B4GALT6: variants seen among roughly 807,000 people sequenced by gnomAD.
B4GALT6 encodes the protein beta-1,4-galactosyltransferase 6.
In B4GALT6, 14 loss-of-function variants were observed where a neutral mutation model predicts 46.3. The observed-to-expected ratio is 0.30, with a 90% confidence interval of 0.20 to 0.47. The LOEUF (loss-of-function observed/expected upper bound fraction) is 0.47. B4GALT6 is among the 20% of genes least tolerant of loss of function. The probability of loss-of-function intolerance (pLI) is 0.99; values close to 1 mark genes in which losing one functional copy is unlikely to be tolerated. For missense variants in B4GALT6, 386 were observed against 480.1 expected, an observed-to-expected ratio of 0.80 and a Z score of 1.83; for synonymous variants, 168 against 162.0, an observed-to-expected ratio of 1.04 and a Z score of -0.28.
At position 31,629,447 on chromosome 18, in the gene B4GALT6, A is replaced by ATTTTTTTT. The variant is rs869030382; in HGVS notation, c.776+1504_776+1511dup. ...ATTCTTAGTTTATATGCCCTTTATG[A>ATTTTTTTT]TTTTTTTTTTTTTTTTTTTTTTTTT... On this transcript the variant is annotated intron_variant, in intron 6 of 8. Transcript: ENST00000306851. Among the ~76,000 whole-genome samples, 46 of 32,888 alleles carry ATTTTTTTT rather than the reference A, an allele frequency of 1.4e-3. 11 individuals are homozygous for ATTTTTTTT. Among genetic ancestry groups the ATTTTTTTT allele is most frequent in the Middle Eastern group, 0.023 (1 of 44 alleles). The allele number at this position is 32,888 out of a possible 152,430, so 21.6% of individuals were successfully genotyped here.
At chr18:31,709,718 C>T in the B4GALT6 span, among the ~76,000 whole-genome samples, 1 of 151,630 alleles carries the variant, frequency 6.6e-6, no homozygotes, top group South Asian at 2.1e-4. Flanking sequence ...AAGATACCGA[C>T]AATTTAAAAC....
At chr18:31,705,835 G>A in the B4GALT6 span, among the ~76,000 whole-genome samples, 3 of 152,206 alleles carry the variant, frequency 2.0e-5, no homozygotes, top group Non-Finnish European at 2.9e-5. Flanking sequence ...AACCTCAAAT[G>A]TTATGGTTTT....
intron 1 of B4GALT6, among the ~76,000 whole-genome samples, chr18:31,675,173 G>A (rs919671140): frequency 1.3e-5 from 2 of 152,148 alleles, no homozygotes; most frequent in African/African-American, 4.8e-5. Context: ...TTTCCACTCT[G>A]CAGTTTAACA....
the B4GALT6 span, chr18:31,724,486 T>C: frequency 3.0e-6 from 3 of 1,015,362 alleles, no homozygotes; most frequent in South Asian, 3.7e-5. Context: ...CGGGAGAGCT[T>C]TGATTACCTG....
intron 4 of B4GALT6, among the ~76,000 whole-genome samples, chr18:31,638,983 A>C: frequency 6.6e-6 from 1 of 152,198 alleles, no homozygotes; most frequent in East Asian, 1.9e-4. Flanking sequence ...GCGTTTTCTA[A>C]AGATTGTGGC....
intron 1 of B4GALT6, among the ~76,000 whole-genome samples, chr18:31,675,409 T>C (rs1014281755): frequency 6.6e-6 from 1 of 152,208 alleles, no homozygotes; most frequent in Non-Finnish European, 1.5e-5. Context: ...GCACAAACTG[T>C]CTAAAACATC....
At chr18:31,674,299 G>A (rs557457770) in intron 1 of B4GALT6, among the ~76,000 whole-genome samples, 85 of 152,292 alleles carry the variant, frequency 5.6e-4, no homozygotes, top group Non-Finnish European at 9.3e-4. Context: ...GGATTTGGAA[G>A]AAATGTTGGT....
chr18:31,708,586 T>A, the B4GALT6 span, among the ~76,000 whole-genome samples: 824 of 151,816 alleles, frequency 5.4e-3, 6 homozygotes, highest in South Asian at 0.017. Context: ...AAATAAAAAT[T>A]AAAATTAAAA....
At position 31,666,344 on chromosome 18, in the gene B4GALT6, A is replaced by G; in HGVS notation, c.144T>C (p.Ala48=). 1 of 1,606,388 alleles carries G rather than the reference A, an allele frequency of 6.2e-7. No homozygotes were observed. The highest frequency in any genetic ancestry group is 8.5e-7 in the Non-Finnish European group (1 of 1,175,062). ...CATTTTCTCTCAACATTATACCTCG[A>G]GCTTGTACCATAAAGAGATATGTGT... ...IANTYLFMVQ[A]RGIMLRENVK... Residue 48 remains alanine (A), a synonymous_variant, in exon 2 of 9, where the codon GCT becomes GCC. Coordinates refer to ENST00000306851, the MANE Select transcript of B4GALT6 (RefSeq NM_004775.5).
the B4GALT6 span, among the ~76,000 whole-genome samples, chr18:31,701,491 C>A: frequency 6.6e-6 from 1 of 151,644 alleles, no homozygotes; most frequent in Admixed American, 6.6e-5. Flanking sequence ...TAAGAACAGG[C>A]TAATACATAT....
At chr18:31,716,446 C>T in the B4GALT6 span, among the ~76,000 whole-genome samples, 24 of 152,348 alleles carry the variant, frequency 1.6e-4, no homozygotes, top group Admixed American at 5.9e-4. Flanking sequence ...TAATTTACCT[C>T]CACCACCTAG....
At chr18:31,652,059 G>C (rs187606383) in intron 3 of B4GALT6, among the ~76,000 whole-genome samples, 100 of 152,042 alleles carry the variant, frequency 6.6e-4, no homozygotes, top group African/African-American at 1.9e-3. Flanking sequence ...CGTGAGCCAC[G>C]GCGCCCGGCC....
At chr18:31,679,386 T>C (rs950040375) in intron 1 of B4GALT6, among the ~76,000 whole-genome samples, 12 of 152,228 alleles carry the variant, frequency 7.9e-5, no homozygotes, top group Non-Finnish European at 1.3e-4. Flanking sequence ...GGAATGGCAA[T>C]CTGACTGTGG....
chr18:31,700,435 T>TG, the B4GALT6 span, among the ~76,000 whole-genome samples: 15 of 139,578 alleles, frequency 1.1e-4, no homozygotes, highest in South Asian at 1.6e-3. Context: ...AATTGACTAT[T>TG]TGTGTGTGTG....
rs1220237872 is a variant in B4GALT6 at position 31,623,821 on chromosome 18, T to C, written c.*1793A>G. On this transcript the variant is annotated 3_prime_UTR_variant, in exon 9 of 9. Coordinates refer to ENST00000306851, the MANE Select transcript of B4GALT6 (RefSeq NM_004775.5). ...TTGTGGTCATTTGTGTTATCAATATTGCCATAAAAATGACACTTCAAAATA... is the reference window on the plus strand; with the variant it reads ...TTGTGGTCATTTGTGTTATCAATATCGCCATAAAAATGACACTTCAAAATA... 2 of 151,990 alleles carry C rather than the reference T, an allele frequency of 1.3e-5. No homozygotes were observed. Among genetic ancestry groups the C allele is most frequent in the African/African-American group, 4.8e-5 (2 of 41,446 alleles). The allele number at this position is 151,990 out of a possible 1,614,324, so 9.4% of individuals were successfully genotyped here.
chr18:31,714,818 C>T, the B4GALT6 span, among the ~76,000 whole-genome samples: 1 of 152,180 alleles, frequency 6.6e-6, no homozygotes, highest in Non-Finnish European at 1.5e-5. Flanking sequence ...CATCTGAAAT[C>T]TTACCTTGTA....
At chr18:31,640,938 G>A (rs1193005649) in intron 4 of B4GALT6, among the ~76,000 whole-genome samples, 1 of 152,236 alleles carries the variant, frequency 6.6e-6, no homozygotes, top group Non-Finnish European at 1.5e-5. Flanking sequence ...TAGATGGTGA[G>A]TACATATCCC....
intron 1 of B4GALT6, among the ~76,000 whole-genome samples, chr18:31,673,537 G>A (rs992821227): frequency 6.6e-6 from 1 of 152,198 alleles, no homozygotes; most frequent in African/African-American, 2.4e-5. Flanking sequence ...ATTGAGCACT[G>A]ACTGCCGAAA....
chr18:31,670,181 G>A (rs1233942761), intron 1 of B4GALT6, among the ~76,000 whole-genome samples: 2 of 151,778 alleles, frequency 1.3e-5, no homozygotes, highest in Admixed American at 6.6e-5. Context: ...AGTCTCACAA[G>A]TAGCTGGAAC....
Sources: allele counts gnomAD v4.1 joint callset (sites outside exome capture counted in the v4.1 genomes callset), GRCh38; gene constraint gnomAD v4.1.1; transcripts MANE v1.5; gene names NCBI Gene and HGNC (gene_info 2026-07-23, HGNC 2026-07-21).